Variants in BNIPL observed in about 807,000 individuals in gnomAD.
BNIPL encodes BCL2 interacting protein like.
BNIPL carries 33 observed loss-of-function variants against 47.0 expected under a neutral mutation model. The observed-to-expected ratio is 0.70, with a 90% CI of 0.53 to 0.94. The LOEUF (loss-of-function observed/expected upper bound fraction) is 0.94, where lower values mean the gene tolerates loss of function less well. Ranked by LOEUF, BNIPL falls within the 40% of genes least tolerant of loss-of-function variation. The pLI, the probability that BNIPL is intolerant of heterozygous loss-of-function variation, is 0.00. For missense variants in BNIPL, 404 were observed against 445.2 expected, an observed-to-expected ratio of 0.91 and a Z score of 0.83; for synonymous variants, 145 against 162.7, an observed-to-expected ratio of 0.89 and a Z score of 0.83.
rs765420649 is a variant in BNIPL at position 151,047,679 on chromosome 1, G to A, written c.*992G>A. 1.9e-4 allele frequency: 222 copies of A among 1,153,048 alleles called. No individual in the cohort carries two copies. Among genetic ancestry groups the A allele is most frequent in the Middle Eastern group, 1.5e-3 (5 of 3,356 alleles). The allele number at this position is 1,153,048 out of a possible 1,614,324, so 71.4% of individuals were successfully genotyped here. A position where few individuals can be genotyped will look rare whatever the true frequency, so the allele number is the denominator to read the frequency against. ...AGTTCTTGCCGCAGAGGTTCCTTAGGAGCACCCCGCGCGGCCCGCGCGAGC... is the reference window on the plus strand; with the variant it reads ...AGTTCTTGCCGCAGAGGTTCCTTAGAAGCACCCCGCGCGGCCCGCGCGAGC... On this transcript the variant is annotated 3_prime_UTR_variant, in exon 10 of 10. Coordinates refer to ENST00000368931, the MANE Select transcript of BNIPL (RefSeq NM_138278.4).
rs1170739263 is a variant in BNIPL at position 151,036,666 on chromosome 1, A to G, written c.-60A>G. 6.2e-6 allele frequency: 9 copies of G among 1,453,908 alleles called. No individual in the cohort carries two copies. The highest frequency in any genetic ancestry group is 8.7e-6 in the Non-Finnish European group (9 of 1,036,584). 90.1% of individuals were successfully genotyped at this position (1,453,908 alleles called of 1,614,324 possible). The stretch of plus-strand genomic sequence containing the variant: ...AGGTAAGGAAGTGTTGGGGGCTGGG[A>G]CAACCAGCTCCCCAACAACTCCTAG... On this transcript the variant is annotated 5_prime_UTR_variant, in exon 1 of 10. Coordinates refer to ENST00000368931, the MANE Select transcript of BNIPL (RefSeq NM_138278.4).
At position 151,044,909 on chromosome 1, in the gene BNIPL, G is replaced by A. The variant is rs77592197; in HGVS notation, c.852-888G>A. 1.5e-4 allele frequency: 190 copies of A among 1,290,078 alleles called. No individual in the cohort carries two copies. In the East Asian group the frequency reaches 7.8e-3, roughly 53 times the overall value. 79.9% of individuals were successfully genotyped at this position (1,290,078 alleles called of 1,614,324 possible). A position where few individuals can be genotyped will look rare whatever the true frequency, so the allele number is the denominator to read the frequency against. On this transcript the variant is annotated intron_variant, in intron 7 of 9. Transcript: ENST00000368931. ...TTATAAGTAATCTTGGTCATGGAGC[G>A]ATGTAGAAGCATGCAAAAGGAACTT...
intron 1 of BNIPL, chr1:151,037,234 C>T (rs2102957514): frequency 2.7e-6 from 2 of 737,494 alleles, no homozygotes; most frequent in East Asian, 7.6e-5. Context: ...GTCTTCCCGA[C>T]TTTGCTCAAT....
At chr1:151,038,181 T>C (rs1675694311) in intron 2 of BNIPL, among the ~76,000 whole-genome samples, 1 of 151,560 alleles carries the variant, frequency 6.6e-6, no homozygotes, top group Non-Finnish European at 1.5e-5. Context: ...TCAAGACTAC[T>C]CTGGGCAACA....
In BNIPL at chr1:151,046,937, T is replaced by C. The variant is rs1676048570; in HGVS notation, c.*250T>C. 4.7e-6 allele frequency: 2 copies of C among 423,170 alleles called. No individual in the cohort carries two copies. Among genetic ancestry groups the C allele is most frequent in the Admixed American group, 4.2e-5 (1 of 23,618 alleles). 26.2% of individuals were successfully genotyped at this position (423,170 alleles called of 1,614,324 possible). ...AGGCTGAATGTAGGGTCATTTTGTA[T>C]GGGATATGCAGAGCTCTGGGTTTTT... On this transcript the variant is annotated 3_prime_UTR_variant, in exon 10 of 10. Coordinates refer to ENST00000368931, the MANE Select transcript of BNIPL (RefSeq NM_138278.4).
chr1:151,043,772 T>C (rs964223925), intron 7 of BNIPL, 45 bp downstream of exon 7: 1 of 1,542,310 alleles, frequency 6.5e-7, no homozygotes, highest in Non-Finnish European at 8.8e-7. Flanking sequence ...TCTCATCTTT[T>C]TTTCCCCATC....
chr1:151,041,525 G>A (rs1675823671), intron 4 of BNIPL, among the ~76,000 whole-genome samples: 1 of 152,110 alleles, frequency 6.6e-6, no homozygotes, highest in Non-Finnish European at 1.5e-5. Flanking sequence ...CTTGAGCCCA[G>A]GAGGTCAAAG....
chr1:151,038,235 G>A (rs1675696236), intron 2 of BNIPL, among the ~76,000 whole-genome samples: 1 of 151,918 alleles, frequency 6.6e-6, no homozygotes, highest in African/African-American at 2.4e-5. Flanking sequence ...TTAGCCAAGT[G>A]TGGTGGTGCA....
Position 151,037,363 on chromosome 1 carries a change from T to A in BNIPL, c.42-204T>A, listed in dbSNP as rs1422410394. The A allele has an allele frequency of 5.4e-5, 71 of 1,303,484 alleles. No individual in the cohort carries two copies. In the Admixed American group the frequency reaches 2.3e-3, roughly 43 times the overall value. The allele number at this position is 1,303,484 out of a possible 1,614,324, so 80.7% of individuals were successfully genotyped here. On this transcript the variant is annotated intron_variant, in intron 1 of 9. Transcript: ENST00000368931. The stretch of plus-strand genomic sequence containing the variant: ...AATATGATTAACTTTACATTCCATC[T>A]TTCGTCTGCTCCCAAACTTAACAGC...
intron 4 of BNIPL, among the ~76,000 whole-genome samples, chr1:151,040,120 AAGATCC>A (rs779536206): frequency 2.6e-5 from 4 of 152,178 alleles, no homozygotes; most frequent in Non-Finnish European, 4.4e-5. Context: ...AAACAACCTA[AAGATCC>A]AGCAGTAAGG....
chr1:151,042,020 AATTT>A (rs1360749781), intron 4 of BNIPL, among the ~76,000 whole-genome samples: 1 of 151,602 alleles, frequency 6.6e-6, no homozygotes, highest in African/African-American at 2.4e-5. Flanking sequence ...TAAGAAGAAT[AATTT>A]ATTTATTATT....
In BNIPL at chr1:151,047,687, C is replaced by G; in HGVS notation, c.*1000C>G. On this transcript the variant is annotated 3_prime_UTR_variant, in exon 10 of 10. Coordinates refer to ENST00000368931, the MANE Select transcript of BNIPL (RefSeq NM_138278.4). ...CCGCAGAGGTTCCTTAGGAGCACCC[C>G]GCGCGGCCCGCGCGAGCGCGCCTGC... 4 of 1,251,570 alleles carry G rather than the reference C, an allele frequency of 3.2e-6. No individual in the cohort carries two copies. The South Asian group carries it at 6.8e-5, about 21-fold the overall frequency. The allele number at this position is 1,251,570 out of a possible 1,614,324, so 77.5% of individuals were successfully genotyped here.
At chr1:151,043,286 A>G (rs753760267) in intron 5 of BNIPL, 46 bp from the exon 6 acceptor site, 3 of 1,519,568 alleles carry the variant, frequency 2.0e-6, no homozygotes, top group Non-Finnish European at 2.7e-6. Context: ...ACTATCTGTC[A>G]ATACATATTT....
intron 4 of BNIPL, among the ~76,000 whole-genome samples, chr1:151,042,381 T>C (rs971979371): frequency 1.3e-5 from 2 of 152,064 alleles, no homozygotes; most frequent in Non-Finnish European, 2.9e-5. Context: ...CCTCCCAAAG[T>C]GCTGGGATTA....
chr1:151,037,468 C>T, intron 1 of BNIPL, 99 bp from the exon 2 acceptor site: 2 of 1,490,726 alleles, frequency 1.3e-6, no homozygotes. Flanking sequence ...CTTTTGAAGG[C>T]CTATCCTCTG....
At chr1:151,045,521 T>C in intron 7 of BNIPL, 1 of 337,810 alleles carries the variant, frequency 3.0e-6, no homozygotes, top group South Asian at 3.1e-5. Flanking sequence ...ATAGTGCCAC[T>C]ACACTCCAGC....
intron 9 of BNIPL, 150 bp downstream of exon 9, chr1:151,046,315 C>T: frequency 7.9e-7 from 1 of 1,258,634 alleles, no homozygotes; most frequent in Non-Finnish European, 1.1e-6. Flanking sequence ...ACTGCACACA[C>T]CCAGAGAAGA....
Position 151,045,861 on chromosome 1 carries a change from G to A in BNIPL, c.916G>A (p.Ala306Thr). Residue 306 changes from alanine to threonine, a missense_variant, in exon 8 of 10, where the codon GCA (alanine) becomes ACA (threonine). Physicochemically the swap from Ala to Thr is moderately conservative, Grantham distance 58. Coordinates refer to ENST00000368931, the MANE Select transcript of BNIPL (RefSeq NM_138278.4). ...TACATGGTATGTGAAAGCATTTCTG[G>A]CACTGCTTCGGCCCTTCATCAGGTA... ...HATWYVKAFL[A>T]LLRPFISSKF... 6.2e-7 allele frequency: 1 copy of A among 1,614,130 alleles called. No individual in the cohort carries two copies. Among genetic ancestry groups the A allele is most frequent in the South Asian group, 1.1e-5 (1 of 91,084 alleles).
chr1:151,043,712 G>A lies in BNIPL; in HGVS notation c.836G>A (p.Arg279His), dbSNP rs148749865. 6.9e-5 allele frequency: 112 copies of A among 1,613,692 alleles called. No homozygotes were observed. In the East Asian group the frequency reaches 1.8e-3, roughly 26 times the overall value. ...CTAAGCTGGATACGTCAGTGTTACC[G>A]TACCCTGGATCGGCGGTGAGACCTG... ...PPLSWIRQCYRTLDRRLRKNL... is the reference protein window; with the variant it reads ...PPLSWIRQCYHTLDRRLRKNL... The change falls in exon 7 of 10, where the codon CGT becomes CAT. Residue 279 changes from arginine to histidine, a missense_variant. Coordinates refer to ENST00000368931, the MANE Select transcript of BNIPL (RefSeq NM_138278.4).
Sources: gnomAD v4.1 joint callset for allele counts (sites outside exome capture counted in the v4.1 genomes callset) on GRCh38, gnomAD v4.1.1 for gene constraint, MANE v1.5 for transcripts, NCBI Gene and HGNC (gene_info 2026-07-23, HGNC 2026-07-21) for gene names.